Variants in POLR2D observed in about 807,000 individuals in gnomAD.
POLR2D encodes the protein DNA-directed RNA polymerase II subunit RPB4.
A neutral mutation model predicts 17.6 loss-of-function variants in POLR2D; 10 were observed. That is an observed-to-expected ratio of 0.57 (90% CI 0.35 to 0.96). The LOEUF (loss-of-function observed/expected upper bound fraction) is 0.96. POLR2D is among the 40% of genes least tolerant of loss of function. POLR2D has a pLI of 0.02. For synonymous variants in POLR2D, 52 were observed against 60.2 expected, an observed-to-expected ratio of 0.86 and a Z score of 0.63; for missense variants, 126 against 176.4, an observed-to-expected ratio of 0.71 and a Z score of 1.62.
chr2:127,849,190 G>A (rs968072981), intron 3 of POLR2D, among the ~76,000 whole-genome samples: 16 of 151,756 alleles, frequency 1.1e-4, no homozygotes, highest in African/African-American at 2.2e-4. Flanking sequence ...GACTACAGTC[G>A]CACACCACCA....
chr2:127,858,091 C>A lies in POLR2D; in HGVS notation c.10G>T (p.Gly4Cys), dbSNP rs768433198. ...TCGCCAGCCCGCGGATCGCTGCCAC[C>A]CGCCGCCATCGCCGCGCCGCGCCGC... MAA[G>C]GSDPRAGDVE... Residue 4 changes from glycine (G) to cysteine (C), a missense_variant, in exon 1 of 4, where the codon GGT becomes TGT. Gly to Cys is a radical substitution (Grantham distance 159). Coordinates refer to ENST00000272645, the MANE Select transcript of POLR2D (RefSeq NM_004805.4). 3 of 1,512,970 alleles carry A rather than the reference C, an allele frequency of 2.0e-6. No individual in the cohort carries two copies. The highest frequency in any genetic ancestry group is 1.8e-4 in the Middle Eastern group (1 of 5,662). 93.7% of individuals were successfully genotyped at this position (1,512,970 alleles called of 1,614,324 possible).
chr2:127,848,212 G>T (rs755963715), intron 3 of POLR2D, 27 bp from the exon 4 acceptor site: 152 of 1,525,644 alleles, frequency 1.0e-4, no homozygotes, highest in Non-Finnish European at 1.3e-4. Flanking sequence ...AGAAATGAGT[G>T]ATTTGGCGAC....
intron 1 of POLR2D, 25 bp downstream of exon 1, chr2:127,858,003 G>A (rs74857120): frequency 0.08 from 125,550 of 1,575,586 alleles, 5,579 homozygotes; most frequent in Middle Eastern, 0.14. Flanking sequence ...GTGGCGCGGG[G>A]GAGTCTGGCA....
chr2:127,853,167 T>C (rs745384347), intron 1 of POLR2D, 62 bp from the exon 2 acceptor site: 24 of 1,317,532 alleles, frequency 1.8e-5, no homozygotes, highest in Non-Finnish European at 2.5e-5. Context: ...CTTCTAAATG[T>C]TCACTGTGCA....
chr2:127,848,226 C>G, intron 3 of POLR2D, 41 bp from the exon 4 acceptor site: 4 of 1,333,570 alleles, frequency 3.0e-6, no homozygotes, highest in Non-Finnish European at 4.3e-6. Context: ...TGGCGACTGG[C>G]AATTTCCCCG....
In POLR2D at chr2:127,852,898, T is replaced by A; in HGVS notation, c.254+27A>T. On this transcript the variant is annotated intron_variant, in intron 2 of 3. Coordinates refer to ENST00000272645, the MANE Select transcript of POLR2D (RefSeq NM_004805.4). This position sits in a 1 kb window ranked among gnomAD's most constrained non-coding sequence, Gnocchi z 4.0. ...CATGCAGTTGTCCAATGGTTTGGAT[T>A]AATAAAAACTTTCTTTTAGCACTCA... 1 of 1,549,764 alleles carries A rather than the reference T, an allele frequency of 6.5e-7. No individual in the cohort carries two copies. The highest frequency in any genetic ancestry group is 1.1e-5 in the South Asian group (1 of 88,100).
chr2:127,853,551 G>A (rs544956256), intron 1 of POLR2D, among the ~76,000 whole-genome samples: 50 of 151,188 alleles, frequency 3.3e-4, no homozygotes, highest in African/African-American at 1.1e-3. Flanking sequence ...ATATGATTTC[G>A]TTCTTTTATT....
intron 3 of POLR2D, among the ~76,000 whole-genome samples, chr2:127,849,614 A>G (rs1690213874): frequency 6.6e-6 from 1 of 152,018 alleles, no homozygotes; most frequent in African/African-American, 2.4e-5. Flanking sequence ...TCATTCTGGC[A>G]TATGTTGATA....
rs1239708472 is a variant in POLR2D, at chr2:127,844,921, TGGGATTACA to T, written c.*3177_*3185del. The T allele has an allele frequency of 6.6e-6, 1 of 152,288 alleles. No homozygotes were observed. Among genetic ancestry groups the T allele is most frequent in the African/African-American group, 2.4e-5 (1 of 41,468 alleles). The allele number at this position is 152,288 out of a possible 1,614,324, so 9.4% of individuals were successfully genotyped here. The stretch of plus-strand genomic sequence containing the variant: ...CACCCGCCTCGGCCTCCCAAAGTGC[TGGGATTACA>T]GGTGTGAGCCACCGCGCCCAACTGT... On this transcript the variant is annotated 3_prime_UTR_variant, in exon 4 of 4. Transcript: ENST00000272645.
chr2:127,854,414 C>T (rs1249798040), intron 1 of POLR2D, among the ~76,000 whole-genome samples: 1 of 152,106 alleles, frequency 6.6e-6, no homozygotes, highest in African/African-American at 2.4e-5. Context: ...ATGTTTATAA[C>T]CCCACACTGA....
chr2:127,857,427 G>A (rs1426986319), intron 1 of POLR2D, among the ~76,000 whole-genome samples: 3 of 152,182 alleles, frequency 2.0e-5, no homozygotes, highest in African/African-American at 7.2e-5. Context: ...CTTAAAGTGC[G>A]TGCGTGAGAA....
intron 1 of POLR2D, chr2:127,856,747 T>C (rs1161804326): frequency 6.6e-6 from 1 of 151,938 alleles, no homozygotes; most frequent in Non-Finnish European, 1.5e-5. Flanking sequence ...AATTTTAAAT[T>C]TATTATTTTG....
rs1423976758 is a variant in POLR2D, at chr2:127,846,335, AAC to A, written c.*1770_*1771del. ...TAAAACCATCCTGATTTTAAAAGCC[AAC>A]ACTGTTCTTTCTCCTTTTTCCTTGG... is the stretch of plus-strand genomic sequence containing the variant. On this transcript the variant is annotated 3_prime_UTR_variant, in exon 4 of 4. Coordinates refer to ENST00000272645, the MANE Select transcript of POLR2D (RefSeq NM_004805.4). 38 of 152,200 alleles carry A rather than the reference AAC, an allele frequency of 2.5e-4. No homozygotes were observed. Among genetic ancestry groups the A allele is most frequent in the Non-Finnish European group, 1.5e-4 (10 of 68,034 alleles). The allele number at this position is 152,200 out of a possible 1,614,324, so 9.4% of individuals were successfully genotyped here. A position where few individuals can be genotyped will look rare whatever the true frequency, so the allele number is the denominator to read the frequency against.
chr2:127,848,202 A>C lies in POLR2D; in HGVS notation c.351-17T>G. ...CCCTCCAAGCTACAAGAAAATGAAAAGAAATGAGTGATTTGGCGACTGGCA... is the reference window on the plus strand; with the variant it reads ...CCCTCCAAGCTACAAGAAAATGAAACGAAATGAGTGATTTGGCGACTGGCA... On this transcript the variant is annotated splice_polypyrimidine_tract_variant and intron_variant, in intron 3 of 3. Coordinates refer to ENST00000272645, the MANE Select transcript of POLR2D (RefSeq NM_004805.4). 6.3e-7 allele frequency: 1 copy of C among 1,581,912 alleles called. No homozygotes were observed. Among genetic ancestry groups the C allele is most frequent in the Non-Finnish European group, 8.7e-7 (1 of 1,154,204 alleles).
In POLR2D at chr2:127,853,111, TG is replaced by T; in HGVS notation, c.74-7del. On this transcript the variant is annotated splice_polypyrimidine_tract_variant and splice_region_variant and intron_variant, in intron 1 of 3. Transcript: ENST00000272645. The stretch of plus-strand genomic sequence containing the variant: ...TGTCTCAGCTGTTTCAAACTCTATT[TG>T]TAAGAAGCATAAATGGCAGCTGAAA... 1 of 1,604,244 alleles carries T rather than the reference TG, an allele frequency of 6.2e-7. No individual in the cohort carries two copies. The highest frequency in any genetic ancestry group is 8.5e-7 in the Non-Finnish European group (1 of 1,175,652).
chr2:127,848,253 G>T, intron 3 of POLR2D, 68 bp from the exon 4 acceptor site: 1 of 953,418 alleles, frequency 1.0e-6, no homozygotes. Context: ...TCTTTGAGGC[G>T]TGCTAATCTA....
intron 1 of POLR2D, among the ~76,000 whole-genome samples, chr2:127,856,304 A>AAAAAAAAAAAAAAAAG (rs1690327906): frequency 1.4e-5 from 2 of 145,212 alleles, no homozygotes; most frequent in Non-Finnish European, 3.0e-5. Flanking sequence ...AAAAAAAAAA[A>AAAAAAAAAAAAAAAAG]AAAAAGGCAG....
Position 127,852,922 on chromosome 2 carries a change from C to T in POLR2D, c.254+3G>A. On this transcript the variant is annotated splice_donor_region_variant and intron_variant, in intron 2 of 3. Transcript: ENST00000272645. The surrounding 1 kb of genome is among the most constrained non-coding windows in gnomAD (Gnocchi z 4.0). ...TTAATAAAAACTTTCTTTTAGCACT[C>T]ACCTACGAACACTGGCAATGGTCTC... 1 of 1,608,900 alleles carries T rather than the reference C, an allele frequency of 6.2e-7. No homozygotes were observed. Among genetic ancestry groups the T allele is most frequent in the East Asian group, 2.2e-5 (1 of 44,854 alleles).
At chr2:127,854,473 T>C (rs1690298770) in intron 1 of POLR2D, among the ~76,000 whole-genome samples, 1 of 152,170 alleles carries the variant, frequency 6.6e-6, no homozygotes. Flanking sequence ...AATTTCACAT[T>C]TAGATGTGCT....
Sources: allele counts gnomAD v4.1 joint callset (sites outside exome capture counted in the v4.1 genomes callset), GRCh38; gene constraint gnomAD v4.1.1; non-coding constraint Gnocchi (gnomAD v3.1); transcripts MANE v1.5; gene names NCBI Gene and HGNC (gene_info 2026-07-23, HGNC 2026-07-21).